The following CDH13 variants were observed in gnomAD, a reference collection of about 807,000 sequenced individuals.
The protein encoded by CDH13 is cadherin 13.
CDH13 carries 24 observed loss-of-function variants against 63.8 expected under a neutral mutation model. That is an observed-to-expected ratio of 0.38 (90% CI 0.27 to 0.53). CDH13 has a LOEUF of 0.53. Among genes scored for constraint, CDH13 ranks in the 20% least tolerant of loss-of-function variants. CDH13 has a pLI of 0.85. For missense variants in CDH13, 1,049 were observed against 903.1 expected, an observed-to-expected ratio of 1.16 and a Z score of -2.07; for synonymous variants, 503 against 355.3, an observed-to-expected ratio of 1.42 and a Z score of -4.67.
intron 2 of CDH13, among the ~76,000 whole-genome samples, chr16:82,952,274 C>G (rs906620468): frequency 5.3e-5 from 8 of 152,172 alleles, no homozygotes; most frequent in African/African-American, 1.9e-4. Flanking sequence ...GCGTGGGCAG[C>G]TTTCTTACTC....
intron 1 of CDH13, among the ~76,000 whole-genome samples, chr16:82,748,430 A>T (rs1597465746): frequency 6.6e-6 from 1 of 152,182 alleles, no homozygotes; most frequent in African/African-American, 2.4e-5. Context: ...AAGATGGGCT[A>T]TGGGAATCAT....
In CDH13 at chr16:83,307,756, A is replaced by T. The variant is rs528750610; in HGVS notation, c.637-37106A>T. On this transcript the variant is annotated intron_variant, in intron 5 of 13. Transcript: ENST00000567109. ...GATTGTGAGACTAAATGAAGAAGAA[A>T]TTTTTTCCCCGGAAATGTTACTGCT... Among the ~76,000 whole-genome samples, 130 of 152,224 alleles carry T rather than the reference A, an allele frequency of 8.5e-4. 1 individual carries two copies. Among genetic ancestry groups the T allele is most frequent in the African/African-American group, 3.1e-3 (128 of 41,544 alleles).
intron 1 of CDH13, among the ~76,000 whole-genome samples, chr16:82,807,333 A>C (rs1229303700): frequency 6.6e-6 from 1 of 152,192 alleles, no homozygotes. Flanking sequence ...CAGGCAAAAG[A>C]AAATAGGGTA....
At chr16:82,839,132 G>T (rs534875599) in intron 1 of CDH13, among the ~76,000 whole-genome samples, 12 of 152,330 alleles carry the variant, frequency 7.9e-5, no homozygotes, top group Non-Finnish European at 1.6e-4. Context: ...GCCAGTGGAG[G>T]ATTGGGACAA....
At chr16:82,661,581 G>T (rs1756547760) in intron 1 of CDH13, among the ~76,000 whole-genome samples, 2 of 152,204 alleles carry the variant, frequency 1.3e-5, no homozygotes, top group Admixed American at 1.3e-4. Context: ...GAAGATCCGT[G>T]CCTCTTGGTT....
At chr16:83,296,385 C>T (rs776974987) in intron 5 of CDH13, among the ~76,000 whole-genome samples, 17 of 151,940 alleles carry the variant, frequency 1.1e-4, no homozygotes, top group Non-Finnish European at 1.9e-4. Context: ...CAATTAAGTA[C>T]CAAGAAATGC....
At chr16:83,241,372 TG>T (rs1904429735) in intron 5 of CDH13, among the ~76,000 whole-genome samples, 1 of 152,368 alleles carries the variant, frequency 6.6e-6, no homozygotes, top group African/African-American at 2.4e-5. Context: ...CTAGATCATA[TG>T]GTAATTGTCT....
chr16:83,025,744 A>G (rs1260776971), intron 2 of CDH13, among the ~76,000 whole-genome samples: 3 of 152,140 alleles, frequency 2.0e-5, no homozygotes, highest in African/African-American at 7.2e-5. Context: ...CGGAAATAAC[A>G]GTTGCTGGCA....
At position 82,713,177 on chromosome 16, in the gene CDH13, T is replaced by A. The variant is rs535427382; in HGVS notation, c.45+86040T>A. 5.2e-4 allele frequency among the ~76,000 whole-genome samples: 79 copies of A among 152,228 alleles called. 1 individual carries two copies. The highest frequency in any genetic ancestry group is 1.9e-3 in the African/African-American group (78 of 41,544). ...ATTTGGGATCCCGGTACCACCCGCA[T>A]AAGAATCTTTTGGATGCTGAATAAA... On this transcript the variant is annotated intron_variant, in intron 1 of 13. Coordinates refer to ENST00000567109, the MANE Select transcript of CDH13 (RefSeq NM_001257.5).
At chr16:83,662,131 G>T (rs1396075138) in intron 8 of CDH13, among the ~76,000 whole-genome samples, 1 of 152,162 alleles carries the variant, frequency 6.6e-6, no homozygotes, top group African/African-American at 2.4e-5. Context: ...TTTTGGAGAG[G>T]ACTCTTCACT....
At chr16:83,584,475 C>T (rs1425473009) in intron 7 of CDH13, among the ~76,000 whole-genome samples, 1 of 152,158 alleles carries the variant, frequency 6.6e-6, no homozygotes, top group Non-Finnish European at 1.5e-5. Context: ...TCTTTCTACC[C>T]TGGAAATTTT....
intron 2 of CDH13, among the ~76,000 whole-genome samples, chr16:83,025,050 C>G (rs1021239791): frequency 2.0e-5 from 3 of 152,144 alleles, no homozygotes; most frequent in African/African-American, 7.2e-5. Context: ...GAAAAATCAG[C>G]TGGAAGAAGG....
At chr16:83,530,466 G>A (rs927435811) in intron 7 of CDH13, among the ~76,000 whole-genome samples, 3 of 152,204 alleles carry the variant, frequency 2.0e-5, no homozygotes, top group African/African-American at 7.2e-5. Flanking sequence ...ATTGAGCACT[G>A]TTTCCTGAGA....
intron 10 of CDH13, among the ~76,000 whole-genome samples, chr16:83,715,922 C>T (rs567765255): frequency 2.0e-5 from 3 of 152,176 alleles, no homozygotes; most frequent in Non-Finnish European, 4.4e-5. Flanking sequence ...CTACCCTCCC[C>T]TTTTGCAGTA....
intron 8 of CDH13, among the ~76,000 whole-genome samples, chr16:83,627,652 C>G (rs9929368): frequency 1 from 151,748 of 152,246 alleles, 75,627 homozygotes; most frequent in Middle Eastern, 1. Flanking sequence ...TCAGGCTCAA[C>G]CAATCCTCTC....
chr16:82,885,733 A>C (rs1328316832), intron 2 of CDH13, among the ~76,000 whole-genome samples: 1 of 152,174 alleles, frequency 6.6e-6, no homozygotes, highest in Non-Finnish European at 1.5e-5. Flanking sequence ...CATTTTGTGC[A>C]TTCAAATTCT....
intron 13 of CDH13, among the ~76,000 whole-genome samples, chr16:83,787,561 G>T (rs1005819412): frequency 6.6e-6 from 1 of 152,168 alleles, no homozygotes; most frequent in African/African-American, 2.4e-5. Context: ...AGAGATCTAC[G>T]TTTTCCACCA....
At chr16:83,364,109 A>T (rs1366088335) in intron 6 of CDH13, among the ~76,000 whole-genome samples, 3 of 152,210 alleles carry the variant, frequency 2.0e-5, no homozygotes, top group Non-Finnish European at 4.4e-5. Flanking sequence ...ATGTCAACGC[A>T]AGAATTTTGG....
intron 1 of CDH13, among the ~76,000 whole-genome samples, chr16:82,761,028 T>C (rs1221932999): frequency 9.0e-6 from 1 of 111,434 alleles, no homozygotes; most frequent in Admixed American, 9.4e-5. Flanking sequence ...TTTTTTTTTT[T>C]TTTTTTTTTT....
Sources: gnomAD v4.1 joint callset for allele counts (sites outside exome capture counted in the v4.1 genomes callset) on GRCh38, gnomAD v4.1.1 for gene constraint, MANE v1.5 for transcripts, NCBI Gene and HGNC (gene_info 2026-07-23, HGNC 2026-07-21) for gene names.